The following NOL4 variants were observed in gnomAD, a reference collection of about 807,000 sequenced individuals.
NOL4 encodes nucleolar protein 4.
Under a neutral mutation model 75.9 loss-of-function variants are expected in NOL4, and 17 were observed. The observed-to-expected ratio is 0.22, with a 90% CI of 0.15 to 0.34. The LOEUF is 0.34. Among genes scored for constraint, NOL4 ranks in the 10% least tolerant of loss-of-function variants. NOL4 has a pLI of 1.00. For synonymous variants in NOL4, 292 were observed against 289.9 expected (o/e 1.01, Z -0.07); for missense variants, 614 against 793.5 (o/e 0.77, Z 2.72).
intron 1 of NOL4, among the ~76,000 whole-genome samples, chr18:34,157,852 G>C (rs1207592536): frequency 6.6e-6 from 1 of 152,104 alleles, no homozygotes; most frequent in East Asian, 1.9e-4. Flanking sequence ...TTTGGGAGAG[G>C]TAGGAACAGG....
At chr18:33,868,251 C>A (rs1486613719) in intron 10 of NOL4, among the ~76,000 whole-genome samples, 4 of 151,440 alleles carry the variant, frequency 2.6e-5, no homozygotes, top group Non-Finnish European at 5.9e-5. Flanking sequence ...GCTATGTTGC[C>A]CAGGCTGGTC....
chr18:33,859,443 GCAAA>G (rs2062986100), intron 10 of NOL4, among the ~76,000 whole-genome samples: 1 of 152,106 alleles, frequency 6.6e-6, no homozygotes, highest in Non-Finnish European at 1.5e-5. Context: ...TGTTTCAAAT[GCAAA>G]TGTTTTTCTG....
At chr18:33,979,627 A>C (rs2071785383) in intron 6 of NOL4, among the ~76,000 whole-genome samples, 1 of 151,946 alleles carries the variant, frequency 6.6e-6, no homozygotes, top group African/African-American at 2.4e-5. Context: ...TAGAAATAGC[A>C]TGTGGAGTAT....
intron 9 of NOL4, among the ~76,000 whole-genome samples, chr18:33,933,627 C>T (rs1232342632): frequency 2.6e-5 from 4 of 152,244 alleles, no homozygotes; most frequent in African/African-American, 7.2e-5. Context: ...TCTCAAGAAA[C>T]CACTTTTACG....
intron 9 of NOL4, among the ~76,000 whole-genome samples, chr18:33,893,737 T>A (rs2065234133): frequency 6.6e-6 from 1 of 152,164 alleles, no homozygotes; most frequent in African/African-American, 2.4e-5. Context: ...GTTTGCATTT[T>A]ACCTGATATT....
chr18:34,143,840 G>A (rs1293358337), intron 1 of NOL4, among the ~76,000 whole-genome samples: 2 of 143,042 alleles, frequency 1.4e-5, no homozygotes, highest in African/African-American at 5.3e-5. Context: ...ACTCCAGCCT[G>A]GGCAAAAGAG....
intron 1 of NOL4, among the ~76,000 whole-genome samples, chr18:34,202,048 A>T (rs1479040372): frequency 6.6e-6 from 1 of 151,902 alleles, no homozygotes; most frequent in Non-Finnish European, 1.5e-5. Context: ...AAACAATCTC[A>T]TTAAATTGTA....
chr18:33,930,557 A>G (rs752390020), intron 9 of NOL4, among the ~76,000 whole-genome samples: 10 of 152,304 alleles, frequency 6.6e-5, no homozygotes, highest in South Asian at 2.1e-4. Flanking sequence ...AGACCATGTG[A>G]GTAGATAGAT....
At chr18:34,058,422 C>T (rs1441962908) in intron 5 of NOL4, among the ~76,000 whole-genome samples, 1 of 152,206 alleles carries the variant, frequency 6.6e-6, no homozygotes, top group African/African-American at 2.4e-5. Context: ...GCATGAGCCA[C>T]TGCGCCCGGC....
chr18:34,006,390 A>G (rs902860806), intron 6 of NOL4, among the ~76,000 whole-genome samples: 3 of 152,020 alleles, frequency 2.0e-5, no homozygotes, highest in Admixed American at 2.0e-4. Context: ...AGAGTAAAAA[A>G]GCTCACCCTC....
In NOL4 at chr18:33,852,984, G is replaced by T. The variant is rs556949482; in HGVS notation, c.1775C>A (p.Ser592Tyr). ...KRQLATSSGSSSSSNSRPQLS... is the reference protein window; with the variant it reads ...KRQLATSSGSYSSSNSRPQLS... ...CTGGGGTCTGGAGTTTGAGCTGCTG[G>T]AGGATCCTGAGCTAGTCGCCAATTG... Residue 592 changes from serine to tyrosine, a missense_variant, in exon 11 of 11, where the codon TCC becomes TAC. Transcript: ENST00000261592. The T allele has an allele frequency of 6.2e-7, 1 of 1,612,966 alleles. No individual in the cohort carries two copies. Among genetic ancestry groups the T allele is most frequent in the Non-Finnish European group, 8.5e-7 (1 of 1,179,402 alleles).
chr18:33,889,387 C>T (rs989612242), intron 9 of NOL4, among the ~76,000 whole-genome samples: 1 of 151,952 alleles, frequency 6.6e-6, no homozygotes, highest in Non-Finnish European at 1.5e-5. Context: ...AATAGCCTAC[C>T]AACCAAAAAA....
Position 33,972,077 on chromosome 18 carries a change from T to C in NOL4, c.1057-13659A>G, listed in dbSNP as rs536725460. ...TACTCGGGAGGTTGAGGCAGGAGAA[T>C]GGCTTGAACCCGGGAGGTGGAGGTT... On this transcript the variant is annotated intron_variant, in intron 6 of 10. Transcript: ENST00000261592. Among the ~76,000 whole-genome samples the C allele has an allele frequency of 9.2e-5, 14 of 151,374 alleles. No individual in the cohort carries two copies. In the East Asian group the frequency reaches 9.8e-4, roughly 11 times the overall value.
intron 5 of NOL4, among the ~76,000 whole-genome samples, chr18:34,031,901 T>C (rs2075656536): frequency 6.6e-6 from 1 of 152,136 alleles, no homozygotes; most frequent in Admixed American, 6.5e-5. Context: ...GACCTTGCAA[T>C]GGCACTGCCC....
intron 1 of NOL4, among the ~76,000 whole-genome samples, chr18:34,137,779 T>TACACACACACACACACACACACAC (rs1156472289): frequency 1.4e-5 from 2 of 147,044 alleles, no homozygotes; most frequent in African/African-American, 5.0e-5. Context: ...ATATACGAAA[T>TACACACACACACACACACACACAC]ACACACACAC....
chr18:34,083,523 A>G (rs1335240919), intron 5 of NOL4, among the ~76,000 whole-genome samples: 1 of 152,238 alleles, frequency 6.6e-6, no homozygotes, highest in Admixed American at 6.5e-5. Context: ...TAGGAACAAG[A>G]AAGAGAACCC....
chr18:34,000,725 C>G (rs114687986), intron 6 of NOL4, among the ~76,000 whole-genome samples: 2,022 of 152,164 alleles, frequency 0.013, 43 homozygotes, highest in African/African-American at 0.046. Context: ...GATAATGTCT[C>G]TTCCATCTCA....
intron 1 of NOL4, among the ~76,000 whole-genome samples, chr18:34,169,256 A>G (rs1034060530): frequency 1.3e-5 from 2 of 152,140 alleles, no homozygotes; most frequent in Middle Eastern, 3.4e-3. Context: ...GTATAGGAGA[A>G]ATATATAACA....
chr18:34,015,518 G>A (rs1380569003), intron 6 of NOL4, among the ~76,000 whole-genome samples: 1 of 151,798 alleles, frequency 6.6e-6, no homozygotes, highest in Non-Finnish European at 1.5e-5. Context: ...TTCTCCTTGG[G>A]TATATGTTTC....
Sources: allele counts gnomAD v4.1 joint callset (sites outside exome capture counted in the v4.1 genomes callset), GRCh38; gene constraint gnomAD v4.1.1; transcripts MANE v1.5; gene names NCBI Gene and HGNC (gene_info 2026-07-23, HGNC 2026-07-21).